Variants in OR5I1 observed in about 807,000 individuals in gnomAD.
The protein encoded by OR5I1 is olfactory receptor family 5 subfamily I member 1.
For synonymous variants in OR5I1, 163 were observed against 145.5 expected, an observed-to-expected ratio of 1.12 and a Z score of -0.87; for missense variants, 425 against 367.6, an observed-to-expected ratio of 1.16 and a Z score of -1.28.
chr11:55,936,167 G>C lies in OR5I1; in HGVS notation c.234C>G (p.Asp78Glu), dbSNP rs144543203. 1.4e-5 allele frequency: 22 copies of C among 1,612,010 alleles called. No individual in the cohort carries two copies. Among genetic ancestry groups the C allele is most frequent in the Admixed American group, 1.7e-5 (1 of 59,734 alleles). ...LSFVDLCYFS[D>E]IVPKMLVNFL... ...AATTGACCAGCATTTTGGGAACAAT[G>C]TCTGAGAAATAGCAAAGGTCTACAA... is the stretch of plus-strand genomic sequence containing the variant. Residue 78 changes from aspartate (D) to glutamate (E), a missense_variant, in exon 1 of 1, where the codon GAC (aspartate) becomes GAG (glutamate). Coordinates refer to ENST00000301532, the MANE Select transcript of OR5I1 (RefSeq NM_006637.1).
chr11:55,936,277 TC>T lies in OR5I1; in HGVS notation c.123del (p.Ile42Ter). The T allele has an allele frequency of 6.2e-7, 1 of 1,611,838 alleles. No individual in the cohort carries two copies. Among genetic ancestry groups the T allele is most frequent in the Admixed American group, 1.7e-5 (1 of 59,750 alleles). The part of the protein sequence containing the change: ...LMFLTLYAII[L>X]IGNIGLMLLI... ...AACAGCATCAATCCAATGTTCCCTA[TC>T]AGAATTATAGCATACAATGTCAGAA... On this transcript the variant is annotated frameshift_variant, in exon 1 of 1. Transcript: ENST00000301532. LOFTEE classifies it low-confidence loss of function (END_TRUNC).
Position 55,936,030 on chromosome 11 carries a change from C to A in OR5I1, c.371G>T (p.Arg124Leu), listed in dbSNP as rs763309466. ...SFILAAMAYD[R>L]YVAICNPLLY... ...TAAAGGGTTACAGATGGCGACATAG[C>A]GATCATAGGCCATGGCGGCCAGGAT... The change falls in exon 1 of 1, where the codon CGC (arginine) becomes CTC (leucine). Residue 124 changes from arginine (R) to leucine (L), a missense_variant. Physicochemically the swap from Arg to Leu is moderately radical, Grantham distance 102. Coordinates refer to ENST00000301532, the MANE Select transcript of OR5I1 (RefSeq NM_006637.1). 4 of 1,611,928 alleles carry A rather than the reference C, an allele frequency of 2.5e-6. No individual in the cohort carries two copies. Among genetic ancestry groups the A allele is most frequent in the South Asian group, 1.1e-5 (1 of 90,974 alleles).
rs374588957 is a variant in OR5I1 at position 55,935,745 on chromosome 11, G to T, written c.656C>A (p.Ser219Tyr). ...EIICFIIIII[S>Y]YFFILLSVLK... ...GACTGAGAGAAGAATGAAAAAGTAG[G>T]AGATGATGATGATGATAAAACAAAT... The change falls in exon 1 of 1, where the codon TCC (serine) becomes TAC (tyrosine). Residue 219 changes from serine (S) to tyrosine (Y), a missense_variant. Physicochemically the swap from Ser to Tyr is moderately radical, Grantham distance 144 (BLOSUM62 -2). Coordinates refer to ENST00000301532, the MANE Select transcript of OR5I1 (RefSeq NM_006637.1). 5 of 1,608,688 alleles carry T rather than the reference G, an allele frequency of 3.1e-6. No individual in the cohort carries two copies. The highest frequency in any genetic ancestry group is 4.2e-6 in the Non-Finnish European group (5 of 1,177,200).
chr11:55,936,374 C>A lies in OR5I1; in HGVS notation c.27G>T (p.Thr9=). MEFTDRNY[T]LVTEFILLGF... ...CTAATAGAATAAACTCAGTGACCAACGTGTAGTTTCTATCTGTAAATTCCA... is the reference window on the plus strand; with the variant it reads ...CTAATAGAATAAACTCAGTGACCAAAGTGTAGTTTCTATCTGTAAATTCCA... Residue 9 remains threonine (T), a synonymous_variant, in exon 1 of 1, where the codon ACG becomes ACT. Coordinates refer to ENST00000301532, the MANE Select transcript of OR5I1 (RefSeq NM_006637.1). 6.3e-7 allele frequency: 1 copy of A among 1,579,698 alleles called. No individual in the cohort carries two copies. Among genetic ancestry groups the A allele is most frequent in the Non-Finnish European group, 8.6e-7 (1 of 1,162,938 alleles).
rs1453936588 is a variant in OR5I1 at position 55,935,990 on chromosome 11, C to A, written c.411G>T (p.Val137=). The change falls in exon 1 of 1, where the codon GTG becomes GTT. Residue 137 remains valine, a synonymous_variant. Transcript: ENST00000301532. ...AICNPLLYTV[V]MSRGICMRLI... ...ACCGCATACAGATGCCCCTAGACAT[C>A]ACAACTGTGTACAATAAAGGGTTAC... The A allele has an allele frequency of 1.2e-6, 2 of 1,612,382 alleles. No individual in the cohort carries two copies. Among genetic ancestry groups the A allele is most frequent in the African/African-American group, 1.3e-5 (1 of 74,794 alleles).
In OR5I1 at chr11:55,935,901, A is replaced by C; in HGVS notation, c.500T>G (p.Ile167Ser). 6.2e-7 allele frequency: 1 copy of C among 1,611,900 alleles called. No individual in the cohort carries two copies. The highest frequency in any genetic ancestry group is 1.1e-5 in the South Asian group (1 of 90,940). The change falls in exon 1 of 1, where the codon ATT becomes AGT. Residue 167 changes from isoleucine to serine, a missense_variant. Transcript: ENST00000301532. The stretch of plus-strand genomic sequence containing the variant: ...AACATTTTTGTCACAATATTTCAGA[A>C]TAAAGGCAAAGGATGTGTGAACCAG... Reference protein sequence around the residue: ...SSLVHTSFAFILKYCDKNVIN... With the variant: ...SSLVHTSFAFSLKYCDKNVIN...
At position 55,935,994 on chromosome 11, in the gene OR5I1, A is replaced by C; in HGVS notation, c.407T>G (p.Val136Gly). 1 of 1,612,498 alleles carries C rather than the reference A, an allele frequency of 6.2e-7. No homozygotes were observed. Residue 136 changes from valine (V) to glycine (G), a missense_variant, in exon 1 of 1, where the codon GTT (valine) becomes GGT (glycine). Coordinates refer to ENST00000301532, the MANE Select transcript of OR5I1 (RefSeq NM_006637.1). ...CATACAGATGCCCCTAGACATCACA[A>C]CTGTGTACAATAAAGGGTTACAGAT... ...VAICNPLLYTVVMSRGICMRL... is the reference protein window; with the variant it reads ...VAICNPLLYTGVMSRGICMRL...
At position 55,936,120 on chromosome 11, in the gene OR5I1, A is replaced by G; in HGVS notation, c.281T>C (p.Ile94Thr). 2.5e-6 allele frequency: 4 copies of G among 1,612,224 alleles called. No homozygotes were observed. Among genetic ancestry groups the G allele is most frequent in the Non-Finnish European group, 3.4e-6 (4 of 1,179,012 alleles). ...CTGCAGGGCACACCCATAATAGGAA[A>G]TAGATTTGTTCTCCGAGAGGAAATT... ...LVNFLSENKSISYYGCALQFY... is the reference protein window; with the variant it reads ...LVNFLSENKSTSYYGCALQFY... The change falls in exon 1 of 1, where the codon ATT becomes ACT. Residue 94 changes from isoleucine to threonine, a missense_variant. By Grantham distance (89) the Ile-to-Thr change is moderately conservative (BLOSUM62 -1). Transcript: ENST00000301532.
chr11:55,935,801 G>A lies in OR5I1; in HGVS notation c.600C>T (p.Leu200=). Residue 200 remains leucine, a synonymous_variant, in exon 1 of 1, where the codon CTC becomes CTT. Coordinates refer to ENST00000301532, the MANE Select transcript of OR5I1 (RefSeq NM_006637.1). Reference sequence around the variant, plus strand: ...CCACTGAGCTGCCGTATGTGGAGAGGAGCCACTCATTAATTGTTGTGTCAG... The same window carrying A: ...CCACTGAGCTGCCGTATGTGGAGAGAAGCCACTCATTAATTGTTGTGTCAG... ...SCTDTTINEW[L]LSTYGSSVEI... 1 of 1,611,736 alleles carries A rather than the reference G, an allele frequency of 6.2e-7. No individual in the cohort carries two copies. Among genetic ancestry groups the A allele is most frequent in the Non-Finnish European group, 8.5e-7 (1 of 1,178,802 alleles).
rs756730370 is a variant in OR5I1 at position 55,936,215 on chromosome 11, A to T, written c.186T>A (p.Tyr62Ter). 6 of 1,612,278 alleles carry T rather than the reference A, an allele frequency of 3.7e-6. No homozygotes were observed. The highest frequency in any genetic ancestry group is 5.1e-6 in the Non-Finnish European group (6 of 1,178,950). The change falls in exon 1 of 1, where the codon TAT becomes TAA. Residue 62 changes from tyrosine (Y) to a stop codon, truncating the protein, a stop_gained. Coordinates refer to ENST00000301532, the MANE Select transcript of OR5I1 (RefSeq NM_006637.1). LOFTEE classifies it low-confidence loss of function (END_TRUNC). Reference protein sequence around the residue: ...RIDPHLQTPMYFFLSNLSFVD... With the variant: ...RIDPHLQTPM Reference sequence around the variant, plus strand: ...CAAATGATAGGTTGCTAAGGAAAAAATACATGGGGGTTTGAAGGTGAGGAT... The same window carrying T: ...CAAATGATAGGTTGCTAAGGAAAAATTACATGGGGGTTTGAAGGTGAGGAT...
rs1436858544 is a variant in OR5I1 at position 55,935,713 on chromosome 11, T to G, written c.688A>C (p.Ile230Leu). ...YFFILLSVLK[I>L]RSFSGRKKTF... is the part of the protein sequence containing the mutation. Reference sequence around the variant, plus strand: ...TTCTTCCTCCCACTGAAAGAGCGGATCTTTAAGACTGAGAGAAGAATGAAA... The same window carrying G: ...TTCTTCCTCCCACTGAAAGAGCGGAGCTTTAAGACTGAGAGAAGAATGAAA... Residue 230 changes from isoleucine (I) to leucine (L), a missense_variant, in exon 1 of 1, where the codon ATC becomes CTC. Transcript: ENST00000301532. 6.2e-7 allele frequency: 1 copy of G among 1,609,120 alleles called. No individual in the cohort carries two copies. Among genetic ancestry groups the G allele is most frequent in the Non-Finnish European group, 8.5e-7 (1 of 1,177,530 alleles).
Position 55,935,585 on chromosome 11 carries a change from A to C in OR5I1, c.816T>G (p.Thr272=), listed in dbSNP as rs149133968. ...TGTAGAACACTGAGATAATTTTATC[A>C]GTGTTTGGAGAATACAGGTAGCTGG... ...SRPSYLYSPN[T]DKIISVFYTI... Residue 272 remains threonine, a synonymous_variant, in exon 1 of 1, where the codon ACT becomes ACG. Transcript: ENST00000301532. The C allele has an allele frequency of 5.8e-5, 94 of 1,611,402 alleles. No individual in the cohort carries two copies. The highest frequency in any genetic ancestry group is 7.9e-5 in the Non-Finnish European group (93 of 1,178,580).
Position 55,935,857 on chromosome 11 carries a change from C to G in OR5I1, c.544G>C (p.Asp182His). ...DKNVINHFFC[D>H]LPPLLKLSCT... is the part of the protein sequence containing the mutation. Reference sequence around the variant, plus strand: ...GATAGTTTAAGCAGGGGAGGGAGGTCACAGAAAAAATGATTAATAACATTT... The same window carrying G: ...GATAGTTTAAGCAGGGGAGGGAGGTGACAGAAAAAATGATTAATAACATTT... The change falls in exon 1 of 1, where the codon GAC (aspartate) becomes CAC (histidine). Residue 182 changes from aspartate to histidine, a missense_variant. Transcript: ENST00000301532. 6.2e-7 allele frequency: 1 copy of G among 1,611,146 alleles called. No individual in the cohort carries two copies. Among genetic ancestry groups the G allele is most frequent in the African/African-American group, 1.3e-5 (1 of 74,624 alleles).
Position 55,936,044 on chromosome 11 carries a change from G to A in OR5I1, c.357C>T (p.Ala119=), listed in dbSNP as rs755609663. The A allele has an allele frequency of 6.8e-6, 11 of 1,611,862 alleles. No individual in the cohort carries two copies. The Admixed American group carries it at 1.3e-4, about 20-fold the overall frequency. The change falls in exon 1 of 1, where the codon GCC becomes GCT. Residue 119 remains alanine, a synonymous_variant. Transcript: ENST00000301532. ...TGGCGACATAGCGATCATAGGCCAT[G>A]GCGGCCAGGATGAAGGATTCTGTAT... ...FADTESFILA[A]MAYDRYVAIC...
In OR5I1 at chr11:55,935,509, C is replaced by A. The variant is rs1260872395; in HGVS notation, c.892G>T (p.Asp298Tyr). The change falls in exon 1 of 1, where the codon GAT (aspartate) becomes TAT (tyrosine). Residue 298 changes from aspartate to tyrosine, a missense_variant. Physicochemically the swap from Asp to Tyr is radical, Grantham distance 160 (BLOSUM62 -3). Transcript: ENST00000301532. ...NPLIYSLRNK[D>Y]VKDAAEKVLR... ...ACTTTCTCAGCTGCATCCTTTACATCTTTATTTCTCAAACTATAAATCAAC... is the reference window on the plus strand; with the variant it reads ...ACTTTCTCAGCTGCATCCTTTACATATTTATTTCTCAAACTATAAATCAAC... 27 of 1,607,542 alleles carry A rather than the reference C, an allele frequency of 1.7e-5. No homozygotes were observed. Among genetic ancestry groups the A allele is most frequent in the Non-Finnish European group, 2.1e-5 (25 of 1,177,082 alleles).
rs1403526234 is a variant in OR5I1, at chr11:55,936,366, G to T, written c.35C>A (p.Thr12Asn). 6.3e-7 allele frequency: 1 copy of T among 1,590,918 alleles called. No individual in the cohort carries two copies. Among genetic ancestry groups the T allele is most frequent in the East Asian group, 2.2e-5 (1 of 44,640 alleles). ...EFTDRNYTLVTEFILLGFPTR... is the reference protein window; with the variant it reads ...EFTDRNYTLVNEFILLGFPTR... ...TGGAAAACCTAATAGAATAAACTCAGTGACCAACGTGTAGTTTCTATCTGT... is the reference window on the plus strand; with the variant it reads ...TGGAAAACCTAATAGAATAAACTCATTGACCAACGTGTAGTTTCTATCTGT... The change falls in exon 1 of 1, where the codon ACT becomes AAT. Residue 12 changes from threonine to asparagine, a missense_variant. Physicochemically the swap from Thr to Asn is moderately conservative, Grantham distance 65 (BLOSUM62 0). Coordinates refer to ENST00000301532, the MANE Select transcript of OR5I1 (RefSeq NM_006637.1).
In OR5I1 at chr11:55,935,706, G is replaced by C. The variant is rs1318809052; in HGVS notation, c.695C>G (p.Ser232Cys). Residue 232 changes from serine to cysteine, a missense_variant, in exon 1 of 1, where the codon TCT (serine) becomes TGT (cysteine). Coordinates refer to ENST00000301532, the MANE Select transcript of OR5I1 (RefSeq NM_006637.1). ...FILLSVLKIRSFSGRKKTFST... is the reference protein window; with the variant it reads ...FILLSVLKIRCFSGRKKTFST... ...AAAGGTCTTCTTCCTCCCACTGAAA[G>C]AGCGGATCTTTAAGACTGAGAGAAG... The C allele has an allele frequency of 6.2e-7, 1 of 1,609,516 alleles. No individual in the cohort carries two copies. The highest frequency in any genetic ancestry group is 1.7e-5 in the Admixed American group (1 of 59,448).
In OR5I1 at chr11:55,936,259, T is replaced by C; in HGVS notation, c.142A>G (p.Met48Val). 1 of 1,611,986 alleles carries C rather than the reference T, an allele frequency of 6.2e-7. No homozygotes were observed. Among genetic ancestry groups the C allele is most frequent in the Non-Finnish European group, 8.5e-7 (1 of 1,178,810 alleles). The change falls in exon 1 of 1, where the codon ATG becomes GTG. Residue 48 changes from methionine to valine, a missense_variant. Physicochemically the swap from Met to Val is conservative, Grantham distance 21 (BLOSUM62 1). Transcript: ENST00000301532. ...TGAGGATCAATCCTGATCAACAGCA[T>C]CAATCCAATGTTCCCTATCAGAATT... ...AIILIGNIGL[M>V]LLIRIDPHLQ... is the part of the protein sequence containing the mutation.
In OR5I1 at chr11:55,936,310, G is replaced by A. The variant is rs1855165764; in HGVS notation, c.91C>T (p.Leu31Phe). ...ATAGCATACAATGTCAGAAACATGA[G>A]GAACAGGACAATCTGCAGTTCAGGG... is the stretch of plus-strand genomic sequence containing the variant. ...TRPELQIVLF[L>F]MFLTLYAIIL... Residue 31 changes from leucine to phenylalanine, a missense_variant, in exon 1 of 1, where the codon CTC becomes TTC. Transcript: ENST00000301532. 2.5e-6 allele frequency: 4 copies of A among 1,611,362 alleles called. No homozygotes were observed. The East Asian group carries it at 8.9e-5, about 36-fold the overall frequency.
Sources: gnomAD v4.1 joint callset for allele counts on GRCh38, gnomAD v4.1.1 for gene constraint, MANE v1.5 for transcripts, NCBI Gene and HGNC (gene_info 2026-07-23, HGNC 2026-07-21) for gene names.